Variants in NAALADL2 observed in about 807,000 individuals in gnomAD.
NAALADL2 encodes inactive N-acetylated-alpha-linked acidic dipeptidase-like protein 2.
NAALADL2 carries 76 observed loss-of-function variants against 87.2 expected under a neutral mutation model. The ratio of observed to expected loss-of-function variants is 0.87; its 90% confidence interval spans 0.72 to 1.05. NAALADL2 has a LOEUF of 1.05. NAALADL2 is among the 50% of genes least tolerant of loss of function. The probability of loss-of-function intolerance (pLI) is 0.00; values close to 1 mark genes in which losing one functional copy is unlikely to be tolerated. For synonymous variants in NAALADL2, 354 were observed against 331.0 expected, an observed-to-expected ratio of 1.07 and a Z score of -0.75; for missense variants, 1,089 against 945.8, an observed-to-expected ratio of 1.15 and a Z score of -1.99.
chr3:175,161,034 T>G (rs1459232049), intron 2 of NAALADL2, among the ~76,000 whole-genome samples: 1 of 152,038 alleles, frequency 6.6e-6, no homozygotes, highest in Non-Finnish European at 1.5e-5. Flanking sequence ...TGTGCAAAAA[T>G]TTTACAAAAA....
intron 3 of NAALADL2, among the ~76,000 whole-genome samples, chr3:174,760,523 ATTTGT>A (rs1314360048): frequency 6.6e-6 from 1 of 152,130 alleles, no homozygotes; most frequent in Non-Finnish European, 1.5e-5. Flanking sequence ...GGATTCTTTG[ATTTGT>A]TTTTAGATTT....
intron 2 of NAALADL2, among the ~76,000 whole-genome samples, chr3:174,582,731 G>A (rs1317008926): frequency 2.0e-5 from 3 of 151,936 alleles, no homozygotes; most frequent in East Asian, 1.9e-4. Context: ...ACAGGCACAC[G>A]CCACCATGCC....
chr3:175,219,916 A>C (rs1259267163), intron 2 of NAALADL2, among the ~76,000 whole-genome samples: 3 of 147,666 alleles, frequency 2.0e-5, no homozygotes, highest in Non-Finnish European at 4.5e-5. Context: ...TGATATTTTA[A>C]TGCTATCATA....
At chr3:174,883,280 A>G (rs969579466) in intron 1 of NAALADL2, among the ~76,000 whole-genome samples, 2 of 152,130 alleles carry the variant, frequency 1.3e-5, no homozygotes, top group African/African-American at 4.8e-5. Flanking sequence ...AATGCTTTGT[A>G]TCGTTCAGTC....
intron 1 of NAALADL2, among the ~76,000 whole-genome samples, chr3:174,900,221 A>G (rs190731922): frequency 1.3e-3 from 202 of 152,218 alleles, no homozygotes; most frequent in African/African-American, 4.6e-3. Flanking sequence ...ATTAGCTTTT[A>G]TTATAGATAA....
chr3:175,115,333 G>A (rs1026141440), intron 2 of NAALADL2: 1 of 151,164 alleles, frequency 6.6e-6, no homozygotes, highest in Admixed American at 6.6e-5. Context: ...CTCCATTATT[G>A]ATGTCACAAA....
At chr3:175,068,302 A>G (rs558442381) in intron 1 of NAALADL2, among the ~76,000 whole-genome samples, 1 of 152,222 alleles carries the variant, frequency 6.6e-6, no homozygotes, top group South Asian at 2.1e-4. Context: ...CTTACTCCTC[A>G]CAGGAATGGA....
At chr3:174,523,148 A>G (rs1720436754) in intron 1 of NAALADL2, among the ~76,000 whole-genome samples, 1 of 152,024 alleles carries the variant, frequency 6.6e-6, no homozygotes, top group Non-Finnish European at 1.5e-5. Context: ...GTTAGTCTAT[A>G]GTATTTTGTT....
At chr3:174,772,540 A>G (rs1714704416) in intron 3 of NAALADL2, among the ~76,000 whole-genome samples, 1 of 152,198 alleles carries the variant, frequency 6.6e-6, no homozygotes. Context: ...AAATAAAATA[A>G]GCAGTTTTGA....
chr3:174,813,914 T>C (rs1720497992), intron 3 of NAALADL2, among the ~76,000 whole-genome samples: 2 of 152,172 alleles, frequency 1.3e-5, no homozygotes, highest in East Asian at 3.9e-4. Context: ...CTTTAACAGA[T>C]AGGTAGTGTC....
intron 9 of NAALADL2, among the ~76,000 whole-genome samples, chr3:175,573,901 A>G (rs1012806751): frequency 1.4e-5 from 2 of 146,136 alleles, no homozygotes; most frequent in African/African-American, 5.2e-5. Context: ...TTCTATTTCC[A>G]AAGTGGTTAA....
At chr3:174,753,852 G>T (rs1711592076) in intron 3 of NAALADL2, among the ~76,000 whole-genome samples, 1 of 152,136 alleles carries the variant, frequency 6.6e-6, no homozygotes, top group African/African-American at 2.4e-5. Context: ...TTAAGATGAG[G>T]TCATGAGGGT....
At chr3:174,897,482 G>A (rs1240061661) in intron 1 of NAALADL2, among the ~76,000 whole-genome samples, 1 of 151,442 alleles carries the variant, frequency 6.6e-6, no homozygotes, top group Non-Finnish European at 1.5e-5. Context: ...TTTCACCTCA[G>A]TTAAAATGGA....
chr3:175,777,112 G>A (rs1274810447), intron 13 of NAALADL2, among the ~76,000 whole-genome samples: 1 of 151,492 alleles, frequency 6.6e-6, no homozygotes, highest in Non-Finnish European at 1.5e-5. Context: ...ATTTTTGTCA[G>A]TTTGGGGATT....
intron 2 of NAALADL2, among the ~76,000 whole-genome samples, chr3:175,130,525 T>C (rs1727661461): frequency 6.6e-6 from 1 of 152,208 alleles, no homozygotes; most frequent in African/African-American, 2.4e-5. Flanking sequence ...TGGTACGTGG[T>C]GTAAGACAAG....
chr3:175,182,890 A>T (rs1268069665), intron 2 of NAALADL2, among the ~76,000 whole-genome samples: 2 of 151,734 alleles, frequency 1.3e-5, no homozygotes, highest in Non-Finnish European at 2.9e-5. Flanking sequence ...CATATATTTT[A>T]TCCATTTTTA....
chr3:175,365,876 AATT>A (rs1765494459), intron 5 of NAALADL2, among the ~76,000 whole-genome samples: 1 of 146,656 alleles, frequency 6.8e-6, no homozygotes, highest in South Asian at 2.2e-4. Context: ...ATCTTTTTTT[AATT>A]ATTATTATAC....
intron 1 of NAALADL2, among the ~76,000 whole-genome samples, chr3:175,013,065 A>ATATATAAATATGTAATACATATTTT (rs1167336918): frequency 1.6e-5 from 2 of 122,392 alleles, no homozygotes; most frequent in Non-Finnish European, 3.2e-5. Context: ...ATATACACAT[A>ATATATAAATATGTAATACATATTTT]TATATAAATA....
intron 4 of NAALADL2, among the ~76,000 whole-genome samples, chr3:175,313,335 A>G (rs1758625353): frequency 6.6e-6 from 1 of 152,160 alleles, no homozygotes; most frequent in African/African-American, 2.4e-5. Flanking sequence ...ATTTTTCTGT[A>G]AAACTAAGGT....
Sources: gnomAD v4.1 joint callset for allele counts (sites outside exome capture counted in the v4.1 genomes callset) on GRCh38, gnomAD v4.1.1 for gene constraint, MANE v1.5 for transcripts, NCBI Gene and HGNC (gene_info 2026-07-23, HGNC 2026-07-21) for gene names.